EXOSC5: variants seen among roughly 807,000 people sequenced by gnomAD.
EXOSC5 encodes the protein exosome component 5.
EXOSC5 carries 15 observed loss-of-function variants against 23.7 expected under a neutral mutation model. The ratio of observed to expected loss-of-function variants is 0.63; its 90% CI spans 0.42 to 0.97. The LOEUF (loss-of-function observed/expected upper bound fraction) is 0.97, where lower values mean the gene tolerates loss of function less well. Among genes scored for constraint, EXOSC5 ranks in the 50% least tolerant of loss-of-function variants. The pLI is 0.00. For missense variants in EXOSC5, 305 were observed against 316.3 expected, an observed-to-expected ratio of 0.96 and a Z score of 0.27; for synonymous variants, 143 against 140.9, an observed-to-expected ratio of 1.02 and a Z score of -0.11.
chr19:41,387,983 C>A (rs1217691362), intron 4 of EXOSC5, among the ~76,000 whole-genome samples: 1 of 152,146 alleles, frequency 6.6e-6, no homozygotes, highest in East Asian at 1.9e-4. Context: ...CACACACTTG[C>A]AGCCAGTCCC....
At chr19:41,387,396 A>T in intron 5 of EXOSC5, 118 bp downstream of exon 5, 1 of 823,042 alleles carries the variant, frequency 1.2e-6, no homozygotes, top group Non-Finnish European at 1.8e-6. Context: ...CCCTTTTTAC[A>T]AGAAGAAATT....
intron 3 of EXOSC5, among the ~76,000 whole-genome samples, chr19:41,390,425 G>A (rs565681762): frequency 6.6e-6 from 1 of 152,310 alleles, no homozygotes; most frequent in South Asian, 2.1e-4. Flanking sequence ...TTGAACAAGT[G>A]ACTTACTCCT....
chr19:41,390,650 C>G (rs375493618), intron 3 of EXOSC5, among the ~76,000 whole-genome samples: 3 of 152,282 alleles, frequency 2.0e-5, no homozygotes, highest in East Asian at 3.9e-4. Flanking sequence ...GAGGAAGAGC[C>G]ACCTCGCTGC....
At chr19:41,388,172 G>A (rs1360335465) in intron 4 of EXOSC5, among the ~76,000 whole-genome samples, 2 of 152,142 alleles carry the variant, frequency 1.3e-5, no homozygotes, top group African/African-American at 2.4e-5. Flanking sequence ...TTCCAACCAC[G>A]TGGTTCTGAC....
At position 41,397,235 on chromosome 19, in the gene EXOSC5, C is replaced by G; in HGVS notation, c.94G>C (p.Ala32Pro). The G allele has an allele frequency of 2.5e-6, 4 of 1,614,198 alleles. No homozygotes were observed. The highest frequency in any genetic ancestry group is 2.5e-6 in the Non-Finnish European group (3 of 1,180,004). Residue 32 changes from alanine (A) to proline (P), a missense_variant, in exon 1 of 6, where the codon GCC becomes CCC. By Grantham distance (27) the Ala-to-Pro change is conservative. Transcript: ENST00000221233. ...RGPGCSLRHF[A>P]CEQNLLSRPD... Reference sequence around the variant, plus strand: ...CGCGACAGCAGGTTCTGTTCGCAGGCAAAGTGCCGGAGGCTGCAGCCAGGA... The same window carrying G: ...CGCGACAGCAGGTTCTGTTCGCAGGGAAAGTGCCGGAGGCTGCAGCCAGGA...
At chr19:41,393,726 A>AT (rs1388157240) in intron 1 of EXOSC5, among the ~76,000 whole-genome samples, 8 of 151,612 alleles carry the variant, frequency 5.3e-5, no homozygotes, top group Middle Eastern at 3.4e-3. Context: ...CACCTGGCTA[A>AT]TTTTTTTATT....
Position 41,397,161 on chromosome 19 carries a change from G to A in EXOSC5, c.148+20C>T. 2 of 1,611,832 alleles carry A rather than the reference G, an allele frequency of 1.2e-6. No individual in the cohort carries two copies. The highest frequency in any genetic ancestry group is 1.7e-6 in the Non-Finnish European group (2 of 1,178,154). ...CACGGTAGTCCCTCTCCAAAAGAAA[G>A]ACCTGGGTGAAGTTCTTACCTTGCA... On this transcript the variant is annotated intron_variant, in intron 1 of 5. Coordinates refer to ENST00000221233, the MANE Select transcript of EXOSC5 (RefSeq NM_020158.4).
At chr19:41,390,986 T>TA (rs2039019040) in intron 3 of EXOSC5, among the ~76,000 whole-genome samples, 3 of 152,162 alleles carry the variant, frequency 2.0e-5, no homozygotes, top group Admixed American at 2.0e-4. Flanking sequence ...ATGGAGATCT[T>TA]ACAAGGCCAC....
chr19:41,392,658 AGAGGGAGAAAAGAGG>A (rs2039032006), intron 2 of EXOSC5, among the ~76,000 whole-genome samples, 194 bp downstream of exon 2: 1 of 152,032 alleles, frequency 6.6e-6, no homozygotes. Context: ...GGAGGCAGAG[AGAGGGAGAAAAGAGG>A]GAGGGAGAAA....
At chr19:41,395,462 T>G (rs2039055171) in intron 1 of EXOSC5, among the ~76,000 whole-genome samples, 3 of 152,124 alleles carry the variant, frequency 2.0e-5, no homozygotes, top group African/African-American at 7.2e-5. Context: ...ACTTATCTGA[T>G]CCTCTTACAG....
chr19:41,396,399 A>T (rs1250267999), intron 1 of EXOSC5, among the ~76,000 whole-genome samples: 1 of 152,038 alleles, frequency 6.6e-6, no homozygotes, highest in African/African-American at 2.4e-5. Flanking sequence ...TAGTAGAGAC[A>T]GGGTTTCGCC....
chr19:41,391,783 G>T, intron 3 of EXOSC5, 58 bp downstream of exon 3: 1 of 1,463,766 alleles, frequency 6.8e-7, no homozygotes, highest in East Asian at 2.7e-5. Flanking sequence ...ATATGTATCC[G>T]CCAGGAGGGA....
At chr19:41,391,797 A>T (rs1379533250) in intron 3 of EXOSC5, 44 bp downstream of exon 3, 2 of 1,476,200 alleles carry the variant, frequency 1.4e-6, no homozygotes, top group African/African-American at 1.5e-5. Context: ...GGAGGGAAGC[A>T]ATCAGGAGAC....
At chr19:41,386,853 G>A (rs2038988801) in intron 5 of EXOSC5, 128 bp from the exon 6 acceptor site, 1 of 682,964 alleles carries the variant, frequency 1.5e-6, no homozygotes, top group Non-Finnish European at 2.5e-6. Flanking sequence ...GCCCCCAAGT[G>A]AGGCAAGTGG....
intron 4 of EXOSC5, 54 bp downstream of exon 4, chr19:41,389,711 G>A: frequency 6.3e-7 from 1 of 1,581,492 alleles, no homozygotes; most frequent in Non-Finnish European, 8.6e-7. Context: ...CTGGAGGAAG[G>A]GACGGGCAGC....
rs539984397 is a variant in EXOSC5 at position 41,393,056 on chromosome 19, G to A, written c.149-76C>T. 279 of 1,211,224 alleles carry A rather than the reference G, an allele frequency of 2.3e-4. No individual in the cohort carries two copies. In the African/African-American group the frequency reaches 3.3e-3, roughly 14 times the overall value. 75.0% of individuals were successfully genotyped at this position (1,211,224 alleles called of 1,614,324 possible). Reference sequence around the variant, plus strand: ...CCCCATTTGTGGCACTGAGCCTGACGGCCAGGGCTCCCCACGTCACCCCCG... The same window carrying A: ...CCCCATTTGTGGCACTGAGCCTGACAGCCAGGGCTCCCCACGTCACCCCCG... On this transcript the variant is annotated intron_variant, in intron 1 of 5. Transcript: ENST00000221233.
chr19:41,392,710 A>G (rs866469184), intron 2 of EXOSC5, among the ~76,000 whole-genome samples, 157 bp downstream of exon 2: 1 of 152,210 alleles, frequency 6.6e-6, no homozygotes, highest in Non-Finnish European at 1.5e-5. Context: ...AAGCAACAGA[A>G]GATGAGTTAT....
chr19:41,387,840 G>A (rs1230233891), intron 4 of EXOSC5, among the ~76,000 whole-genome samples: 1 of 150,612 alleles, frequency 6.6e-6, no homozygotes, highest in East Asian at 1.9e-4. Context: ...GCATGTCTGA[G>A]TTCCCAGCTA....
At position 41,397,329 on chromosome 19, in the gene EXOSC5, C is replaced by G; in HGVS notation, c.-1G>C. 1 of 1,610,818 alleles carries G rather than the reference C, an allele frequency of 6.2e-7. No individual in the cohort carries two copies. The highest frequency in any genetic ancestry group is 8.5e-7 in the Non-Finnish European group (1 of 1,177,418). ...CGTCAGTATGCGTCTCCTCCTCCAT[C>G]GCGCCGAGCCCACGTGCGGCTGCAG... On this transcript the variant is annotated 5_prime_UTR_variant, in exon 1 of 6. Transcript: ENST00000221233.
Sources: gnomAD v4.1 joint callset for allele counts (sites outside exome capture counted in the v4.1 genomes callset) on GRCh38, gnomAD v4.1.1 for gene constraint, MANE v1.5 for transcripts, NCBI Gene and HGNC (gene_info 2026-07-23, HGNC 2026-07-21) for gene names.